Variants in HS3ST4 observed in about 807,000 individuals in gnomAD.
HS3ST4 encodes the protein heparan sulfate glucosamine 3-O-sulfotransferase 4.
A neutral mutation model predicts 29.2 loss-of-function variants in HS3ST4; 17 were observed. The ratio of observed to expected loss-of-function variants is 0.58; its 90% CI spans 0.40 to 0.87. The LOEUF is 0.87. Among genes scored for constraint, HS3ST4 ranks in the 40% least tolerant of loss-of-function variants. The pLI is 0.00. For missense variants in HS3ST4, 627 were observed against 634.5 expected, an observed-to-expected ratio of 0.99 and a Z score of 0.13; for synonymous variants, 314 against 285.7, an observed-to-expected ratio of 1.10 and a Z score of -1.00.
chr16:25,963,786 A>G (rs963371197), intron 1 of HS3ST4, among the ~76,000 whole-genome samples: 1 of 152,208 alleles, frequency 6.6e-6, no homozygotes, highest in Non-Finnish European at 1.5e-5. Flanking sequence ...GTGAGAGGGG[A>G]CGAGCTGGCC....
chr16:25,833,492 T>C (rs765804891), intron 1 of HS3ST4, among the ~76,000 whole-genome samples: 1 of 152,174 alleles, frequency 6.6e-6, no homozygotes, highest in Non-Finnish European at 1.5e-5. Context: ...AGTCAACCCA[T>C]GTAAGGAACT....
At chr16:26,080,323 C>A (rs1898710703) in intron 1 of HS3ST4, among the ~76,000 whole-genome samples, 1 of 152,136 alleles carries the variant, frequency 6.6e-6, no homozygotes, top group African/African-American at 2.4e-5. Context: ...ATTGATCTTT[C>A]ATTACCTGCC....
rs397962355 is a variant in HS3ST4 at position 26,054,299 on chromosome 16, A to AGAGAGAGAGAGAGAGAGAGAGAG, written c.735-81313_735-81312insGAGAGAGAGAGAGAGAGAGAGAG. Among the ~76,000 whole-genome samples the AGAGAGAGAGAGAGAGAGAGAGAG allele has an allele frequency of 6.9e-4, 98 of 141,678 alleles. 2 individuals are homozygous for AGAGAGAGAGAGAGAGAGAGAGAG. The highest frequency in any genetic ancestry group is 2.5e-3 in the African/African-American group (88 of 34,598). The allele number at this position is 141,678 out of a possible 152,430, so 92.9% of individuals were successfully genotyped here. On this transcript the variant is annotated intron_variant, in intron 1 of 1. Coordinates refer to ENST00000331351, the MANE Select transcript of HS3ST4 (RefSeq NM_006040.3). Reference sequence around the variant, plus strand: ...GAGAGAGAGAGAGAGAGAGAGAGAGAAGGAGGAGGAGGAAGAAGAAGAAGA... The same window carrying AGAGAGAGAGAGAGAGAGAGAGAG: ...GAGAGAGAGAGAGAGAGAGAGAGAGAGAGAGAGAGAGAGAGAGAGAGAGAGGAGGAGGAGGAAGAAGAAGAAGA...
chr16:26,103,266 T>A (rs567408613), intron 1 of HS3ST4, among the ~76,000 whole-genome samples: 37 of 152,186 alleles, frequency 2.4e-4, no homozygotes, highest in Admixed American at 4.6e-4. Context: ...AATGAGGAAA[T>A]TGAGGCCCAA....
At chr16:25,787,502 A>G (rs1966859389) in intron 1 of HS3ST4, among the ~76,000 whole-genome samples, 1 of 152,196 alleles carries the variant, frequency 6.6e-6, no homozygotes, top group Non-Finnish European at 1.5e-5. Flanking sequence ...TGACCCTTGT[A>G]GGGATTTGAG....
intron 1 of HS3ST4, among the ~76,000 whole-genome samples, chr16:25,727,504 A>ATTTT (rs1285783137): frequency 3.9e-5 from 6 of 152,248 alleles, no homozygotes. Context: ...AGAAAAATAT[A>ATTTT]TCCATCAGGG....
At chr16:25,864,839 G>T (rs1967676877) in intron 1 of HS3ST4, among the ~76,000 whole-genome samples, 1 of 150,298 alleles carries the variant, frequency 6.7e-6, no homozygotes, top group South Asian at 2.1e-4. Flanking sequence ...ATAAAATCCT[G>T]CATTTTGTGT....
chr16:25,877,238 T>C (rs35384311), intron 1 of HS3ST4, among the ~76,000 whole-genome samples: 1 of 151,848 alleles, frequency 6.6e-6, no homozygotes, highest in African/African-American at 2.4e-5. Flanking sequence ...ACCCAGAATC[T>C]GTGAATGTGA....
At chr16:25,727,134 A>G (rs952309216) in intron 1 of HS3ST4, among the ~76,000 whole-genome samples, 2 of 152,220 alleles carry the variant, frequency 1.3e-5, no homozygotes, top group Non-Finnish European at 2.9e-5. Context: ...TAGAGCAGCT[A>G]TTACTCAGCA....
intron 1 of HS3ST4, among the ~76,000 whole-genome samples, chr16:25,712,290 G>A (rs1426854502): frequency 6.6e-6 from 1 of 152,112 alleles, no homozygotes; most frequent in Non-Finnish European, 1.5e-5. Flanking sequence ...CAGAAGCTAG[G>A]GCAGGCAGAT....
At chr16:26,118,389 A>G (rs1899227479) in intron 1 of HS3ST4, among the ~76,000 whole-genome samples, 1 of 152,200 alleles carries the variant, frequency 6.6e-6, no homozygotes, top group African/African-American at 2.4e-5. Context: ...CACCTGGCCT[A>G]GAGATGACTT....
chr16:25,915,001 G>A (rs576932439), intron 1 of HS3ST4, among the ~76,000 whole-genome samples: 6 of 152,182 alleles, frequency 3.9e-5, no homozygotes, highest in Middle Eastern at 3.4e-3. Flanking sequence ...TTAGTTATGC[G>A]GGCTGCGCTG....
chr16:26,100,853 A>T (rs994018845), intron 1 of HS3ST4, among the ~76,000 whole-genome samples: 1 of 152,168 alleles, frequency 6.6e-6, no homozygotes, highest in African/African-American at 2.4e-5. Context: ...TGATAGTCCT[A>T]TGAGATAGTC....
chr16:25,777,412 A>AGTGTGTGT lies in HS3ST4; in HGVS notation c.734+84289_734+84296dup, dbSNP rs56191219. Among the ~76,000 whole-genome samples, 641 of 147,982 alleles carry AGTGTGTGT rather than the reference A, an allele frequency of 4.3e-3. 3 individuals carry two copies. Among genetic ancestry groups the AGTGTGTGT allele is most frequent in the Non-Finnish European group, 7.3e-3 (489 of 66,726 alleles). ...GGAGATACAGCAGAAAGCACACCAA[A>AGTGTGTGT]GTGTGTGTGTGTGTGTGTGTGTGTG... On this transcript the variant is annotated intron_variant, in intron 1 of 1. Transcript: ENST00000331351.
At chr16:25,830,241 A>G in intron 1 of HS3ST4, among the ~76,000 whole-genome samples, 1 of 152,216 alleles carries the variant, frequency 6.6e-6, no homozygotes, top group East Asian at 1.9e-4. Context: ...TAAAAACAGA[A>G]CCAAAGTGGT....
At chr16:25,786,678 A>G (rs1328849662) in intron 1 of HS3ST4, among the ~76,000 whole-genome samples, 2 of 152,236 alleles carry the variant, frequency 1.3e-5, no homozygotes, top group Non-Finnish European at 1.5e-5. Context: ...TCAGACAAAC[A>G]GTAGCCTTTG....
chr16:25,945,968 G>A (rs553073335), intron 1 of HS3ST4, among the ~76,000 whole-genome samples: 18 of 152,022 alleles, frequency 1.2e-4, no homozygotes, highest in Non-Finnish European at 2.4e-4. Context: ...TTATCATTCT[G>A]TCCTACCCAT....
intron 1 of HS3ST4, among the ~76,000 whole-genome samples, chr16:25,824,451 G>A (rs568903951): frequency 9.2e-4 from 140 of 152,252 alleles, no homozygotes; most frequent in Non-Finnish European, 1.1e-3. Context: ...CAGTCATGGC[G>A]GAAGGCAAAG....
intron 1 of HS3ST4, among the ~76,000 whole-genome samples, chr16:26,071,422 G>A (rs2141777479): frequency 6.6e-6 from 1 of 152,176 alleles, no homozygotes; most frequent in East Asian, 1.9e-4. Context: ...GACTCTAGAG[G>A]GAAAAGGAAG....
Sources: allele counts gnomAD v4.1 joint callset (sites outside exome capture counted in the v4.1 genomes callset), GRCh38; gene constraint gnomAD v4.1.1; transcripts MANE v1.5; gene names NCBI Gene and HGNC (gene_info 2026-07-23, HGNC 2026-07-21).